The following ETV6 variants were observed in gnomAD, a reference collection of about 807,000 sequenced individuals.
The protein encoded by ETV6 is transcription factor ETV6.
In ETV6, 16 loss-of-function variants were observed where a neutral mutation model predicts 51.1. The observed-to-expected ratio is 0.31, with a 90% CI of 0.21 to 0.48. ETV6 has a LOEUF of 0.48. ETV6 is among the 20% of genes least tolerant of loss of function. The pLI is 0.99. For synonymous variants in ETV6, 240 were observed against 224.1 expected, an observed-to-expected ratio of 1.07 and a Z score of -0.64; for missense variants, 458 against 594.8, an observed-to-expected ratio of 0.77 and a Z score of 2.39.
intron 3 of ETV6, among the ~76,000 whole-genome samples, chr12:11,853,174 G>A (rs780239151): frequency 1.1e-4 from 17 of 152,192 alleles, no homozygotes; most frequent in African/African-American, 1.7e-4. Flanking sequence ...GCAACGGAGC[G>A]CAACCCTGTC....
At chr12:11,842,124 G>A (rs1429579451) in intron 3 of ETV6, among the ~76,000 whole-genome samples, 2 of 151,892 alleles carry the variant, frequency 1.3e-5, no homozygotes, top group African/African-American at 4.8e-5. Flanking sequence ...GTAGGCTGGT[G>A]TACATGGAAG....
At chr12:11,752,414 C>T (rs1866049046) in intron 1 of ETV6, 36 bp from the exon 2 acceptor site, 2 of 1,589,810 alleles carry the variant, frequency 1.3e-6, no homozygotes, top group Non-Finnish European at 8.6e-7. Flanking sequence ...CATTGTCTCT[C>T]TCCCCCTCCC....
chr12:11,872,713 C>T (rs1242102903), intron 5 of ETV6, among the ~76,000 whole-genome samples: 2 of 152,122 alleles, frequency 1.3e-5, no homozygotes, highest in African/African-American at 4.8e-5. Flanking sequence ...CCAGGCTGGT[C>T]TTGAACTCCT....
At chr12:11,653,757 G>A (rs888223878) in intron 1 of ETV6, among the ~76,000 whole-genome samples, 2 of 152,142 alleles carry the variant, frequency 1.3e-5, no homozygotes. Context: ...GAGGGCTAGA[G>A]CACTCCTGGG....
chr12:11,774,554 T>C (rs569036969), intron 2 of ETV6, among the ~76,000 whole-genome samples: 1 of 152,332 alleles, frequency 6.6e-6, no homozygotes, highest in African/African-American at 2.4e-5. Flanking sequence ...TCCAGAACTT[T>C]GTTGGCTCCC....
intron 7 of ETV6, among the ~76,000 whole-genome samples, 182 bp from the exon 8 acceptor site, chr12:11,890,759 A>G (rs957617253): frequency 2.0e-5 from 3 of 152,116 alleles, no homozygotes; most frequent in African/African-American, 7.2e-5. Context: ...ACCACTTTTT[A>G]GACAGTCAGA....
chr12:11,737,372 G>A (rs572752807), intron 1 of ETV6, among the ~76,000 whole-genome samples: 3 of 152,308 alleles, frequency 2.0e-5, no homozygotes, highest in Admixed American at 6.5e-5. Context: ...TTCTCAACAC[G>A]TTTATGCAAC....
chr12:11,777,394 T>A (rs946679766), intron 2 of ETV6, among the ~76,000 whole-genome samples: 2 of 152,124 alleles, frequency 1.3e-5, no homozygotes, highest in Admixed American at 1.3e-4. Flanking sequence ...GTTATTGTGG[T>A]TATCTCTAGG....
At chr12:11,657,723 C>T (rs796708523) in intron 1 of ETV6, among the ~76,000 whole-genome samples, 15 of 152,270 alleles carry the variant, frequency 9.9e-5, no homozygotes, top group African/African-American at 3.4e-4. Flanking sequence ...CCAAAAAGGA[C>T]GCATTGCCCT....
chr12:11,663,099 G>A (rs1306888054), intron 1 of ETV6, among the ~76,000 whole-genome samples: 1 of 152,244 alleles, frequency 6.6e-6, no homozygotes, highest in Admixed American at 6.5e-5. Flanking sequence ...GCAGGCTTTA[G>A]GAGAAAATGC....
At chr12:11,696,775 C>G (rs975900524) in intron 1 of ETV6, among the ~76,000 whole-genome samples, 9 of 152,126 alleles carry the variant, frequency 5.9e-5, no homozygotes, top group Non-Finnish European at 8.8e-5. Context: ...GAGATCATGC[C>G]ACTGCACTTT....
At chr12:11,661,030 C>G (rs1447502869) in intron 1 of ETV6, among the ~76,000 whole-genome samples, 1 of 152,202 alleles carries the variant, frequency 6.6e-6, no homozygotes, top group African/African-American at 2.4e-5. Context: ...TGCTGTGTCA[C>G]CCATGCTGAA....
chr12:11,688,149 G>A (rs545115247), intron 1 of ETV6, among the ~76,000 whole-genome samples: 2 of 152,286 alleles, frequency 1.3e-5, no homozygotes, highest in South Asian at 4.1e-4. Context: ...TCTTAGCCAC[G>A]TCAGGGTGGT....
At chr12:11,659,222 C>T (rs905646306) in intron 1 of ETV6, among the ~76,000 whole-genome samples, 4 of 151,804 alleles carry the variant, frequency 2.6e-5, no homozygotes, top group Non-Finnish European at 4.4e-5. Flanking sequence ...GTGAGGGGAC[C>T]GAAGTGTCTC....
chr12:11,773,192 CAA>C (rs1221154358), intron 2 of ETV6, among the ~76,000 whole-genome samples: 2 of 79,320 alleles, frequency 2.5e-5, no homozygotes, highest in African/African-American at 1.0e-4. Context: ...GACTCCATCT[CAA>C]AAAAAAAAAA....
rs1376312011 is a variant in ETV6, at chr12:11,775,036, G to A, written c.163+22457G>A. The stretch of plus-strand genomic sequence containing the variant: ...TCTGCAGACTTGTGTGTGGCTAGAC[G>A]CCCTCTGTGTGCTGTATTTGTAATT... On this transcript the variant is annotated intron_variant, in intron 2 of 7. Transcript: ENST00000396373. Among the ~76,000 whole-genome samples the A allele has an allele frequency of 3.3e-5, 5 of 152,342 alleles. No individual in the cohort carries two copies. In the South Asian group the frequency reaches 6.2e-4, roughly 19 times the overall value.
At chr12:11,840,303 T>C (rs968058434) in intron 3 of ETV6, among the ~76,000 whole-genome samples, 2 of 152,186 alleles carry the variant, frequency 1.3e-5, no homozygotes, top group South Asian at 4.1e-4. Flanking sequence ...GCTTCAAAGA[T>C]TTGTCTCAGT....
At chr12:11,710,845 G>T (rs576730051) in intron 1 of ETV6, among the ~76,000 whole-genome samples, 1 of 152,314 alleles carries the variant, frequency 6.6e-6, no homozygotes, top group East Asian at 1.9e-4. Flanking sequence ...TCTAGGACAT[G>T]ATGGTTAGTG....
chr12:11,890,718 C>A (rs1275827429), intron 7 of ETV6, among the ~76,000 whole-genome samples: 2 of 152,224 alleles, frequency 1.3e-5, no homozygotes, highest in South Asian at 2.1e-4. Flanking sequence ...AGCTACCATG[C>A]CTGGCCCTAG....
Sources: gnomAD v4.1 joint callset for allele counts (sites outside exome capture counted in the v4.1 genomes callset) on GRCh38, gnomAD v4.1.1 for gene constraint, MANE v1.5 for transcripts, NCBI Gene and HGNC (gene_info 2026-07-23, HGNC 2026-07-21) for gene names.